The following DRC10 variants were observed in gnomAD, a reference collection of about 807,000 sequenced individuals.
DRC10 encodes IQ domain-containing protein D.
the DRC10 span, among the ~76,000 whole-genome samples, chr12:113,197,920 T>G: frequency 1.3e-5 from 2 of 152,142 alleles, no homozygotes; most frequent in East Asian, 3.9e-4. Flanking sequence ...TTGTGCTGTT[T>G]AAAGGACAGA....
the DRC10 span, among the ~76,000 whole-genome samples, chr12:113,205,306 G>T: frequency 1.9e-3 from 296 of 151,886 alleles, no homozygotes; most frequent in Non-Finnish European, 3.6e-3. Context: ...GCCAAGGCGG[G>T]CAGATCACTT....
the DRC10 span, among the ~76,000 whole-genome samples, chr12:113,198,413 C>T: frequency 6.6e-6 from 1 of 152,062 alleles, no homozygotes; most frequent in Admixed American, 6.6e-5. Context: ...AGTGGAGGGA[C>T]ATGATCTAAT....
the DRC10 span, among the ~76,000 whole-genome samples, chr12:113,202,640 A>G: frequency 2.0e-5 from 3 of 152,228 alleles, no homozygotes; most frequent in African/African-American, 7.2e-5. Flanking sequence ...CTTAAGGGGC[A>G]GAACCAAGCC....
the DRC10 span, chr12:113,206,218 C>CA: frequency 0.15 from 11,148 of 73,952 alleles, 875 homozygotes; most frequent in African/African-American, 0.29. Context: ...GACTCCGCCT[C>CA]AAAAAAAAAA....
the DRC10 span, among the ~76,000 whole-genome samples, chr12:113,218,135 AC>A: frequency 7.0e-6 from 1 of 143,784 alleles, no homozygotes; most frequent in Non-Finnish European, 1.5e-5. Flanking sequence ...AAAAACCCTG[AC>A]CTTTTTTTTT....
the DRC10 span, among the ~76,000 whole-genome samples, chr12:113,203,554 C>T: frequency 6.6e-6 from 1 of 150,400 alleles, no homozygotes; most frequent in African/African-American, 2.4e-5. Flanking sequence ...AGGCTCACTG[C>T]AATCTCCACT....
chr12:113,200,606 G>C, the DRC10 span: 2 of 1,447,572 alleles, frequency 1.4e-6, no homozygotes, highest in Non-Finnish European at 1.8e-6. Flanking sequence ...TCTGCCTCCC[G>C]GTTCTCCATG....
chr12:113,219,642 T>A, the DRC10 span, among the ~76,000 whole-genome samples: 39 of 152,268 alleles, frequency 2.6e-4, no homozygotes, highest in East Asian at 7.3e-3. Context: ...CATTTTCTTA[T>A]GAAAATATCT....
the DRC10 span, among the ~76,000 whole-genome samples, chr12:113,211,502 G>A: frequency 3.9e-5 from 6 of 152,254 alleles, no homozygotes; most frequent in Middle Eastern, 3.4e-3. Flanking sequence ...CATGGTTCAC[G>A]CCCGTAATCC....
At chr12:113,214,758 G>A in the DRC10 span, among the ~76,000 whole-genome samples, 1 of 151,956 alleles carries the variant, frequency 6.6e-6, no homozygotes, top group South Asian at 2.1e-4. Context: ...TTTACTCAGG[G>A]CTTGGAATTT....
At chr12:113,214,728 T>A in the DRC10 span, among the ~76,000 whole-genome samples, 1 of 152,190 alleles carries the variant, frequency 6.6e-6, no homozygotes. Context: ...ACAATTGGCC[T>A]ATGAATTCTT....
At chr12:113,207,671 C>T in the DRC10 span, 14 of 1,614,116 alleles carry the variant, frequency 8.7e-6, 1 homozygote, top group Non-Finnish European at 1.1e-5. Context: ...AGGAGCCTAG[C>T]AGCCTGGGGG....
the DRC10 span, chr12:113,208,268 T>C: frequency 1.4e-6 from 2 of 1,477,346 alleles, no homozygotes; most frequent in East Asian, 4.7e-5. Flanking sequence ...TCCTGCAAAA[T>C]GAAGAAGTAG....
chr12:113,205,851 T>TGCAGTCC, the DRC10 span, among the ~76,000 whole-genome samples: 1 of 135,464 alleles, frequency 7.4e-6, no homozygotes, highest in Non-Finnish European at 1.5e-5. Flanking sequence ...ATTGCGCCAC[T>TGCAGTCC]GCAGTCCGCA....
the DRC10 span, among the ~76,000 whole-genome samples, chr12:113,217,487 T>G: frequency 6.6e-6 from 1 of 152,236 alleles, no homozygotes; most frequent in African/African-American, 2.4e-5. Flanking sequence ...CAAATTCCCA[T>G]GAGCTAATCT....
At chr12:113,203,037 T>G in the DRC10 span, 1 of 455,336 alleles carries the variant, frequency 2.2e-6, no homozygotes, top group South Asian at 1.6e-5. Context: ...TGTTTCCCTT[T>G]TTTTTTTGAG....
the DRC10 span, chr12:113,208,059 G>T: frequency 6.2e-7 from 1 of 1,614,232 alleles, no homozygotes; most frequent in Non-Finnish European, 8.5e-7. Context: ...AGAGAACCAA[G>T]GGTTTTAGTG....
the DRC10 span, among the ~76,000 whole-genome samples, chr12:113,215,474 T>C: frequency 3.9e-5 from 6 of 152,360 alleles, no homozygotes; most frequent in South Asian, 1.2e-3. Flanking sequence ...TGTTTTTGTA[T>C]CAAAGGCTTT....
At chr12:113,200,485 C>A in the DRC10 span, 1 of 1,009,142 alleles carries the variant, frequency 9.9e-7, no homozygotes, top group Non-Finnish European at 1.5e-6. Context: ...CCTGCCCTGC[C>A]CAACACTGCT....
Sources: allele counts gnomAD v4.1 joint callset (sites outside exome capture counted in the v4.1 genomes callset), GRCh38; gene constraint gnomAD v4.1.1; transcripts MANE v1.5; gene names NCBI Gene and HGNC (gene_info 2026-07-23, HGNC 2026-07-21).